Variants in MRTFB observed in about 807,000 individuals in gnomAD.
The protein encoded by MRTFB is myocardin-related transcription factor B.
MRTFB carries 29 observed loss-of-function variants against 104.2 expected under a neutral mutation model. That is an observed-to-expected ratio of 0.28 (90% CI 0.21 to 0.38). The LOEUF (loss-of-function observed/expected upper bound fraction) is 0.38. Ranked by LOEUF, MRTFB falls within the 10% of genes least tolerant of loss-of-function variation. MRTFB has a pLI of 1.00. For synonymous variants in MRTFB, 535 were observed against 519.5 expected (o/e 1.03, Z -0.41); for missense variants, 1,270 against 1,341.6 (o/e 0.95, Z 0.83).
chr16:14,129,698 A>G (rs984672770), intron 2 of MRTFB, among the ~76,000 whole-genome samples: 1 of 152,120 alleles, frequency 6.6e-6, no homozygotes, highest in Non-Finnish European at 1.5e-5. Flanking sequence ...CTTTGCCAAC[A>G]CTTGCTTTTG....
chr16:14,134,805 A>C (rs1324352917), intron 2 of MRTFB, among the ~76,000 whole-genome samples: 1 of 152,112 alleles, frequency 6.6e-6, no homozygotes, highest in East Asian at 1.9e-4. Flanking sequence ...CAGGGCAGGA[A>C]TGTGAGCTCT....
At chr16:14,191,788 G>T (rs1030045930) in intron 3 of MRTFB, 8 of 152,050 alleles carry the variant, frequency 5.3e-5, no homozygotes, top group Non-Finnish European at 1.2e-4. Flanking sequence ...TAAGATTGTT[G>T]TCCATGCACA....
In MRTFB at chr16:14,140,570, G is replaced by T. The variant is rs2037943752; in HGVS notation, c.-37G>T. ...GTCTTCAATAGGCCGTGTTTAAGAG[G>T]CGTCTTACACTCCCTGTTGCCAGTG... On this transcript the variant is annotated 5_prime_UTR_variant, in exon 3 of 17. Transcript: ENST00000571589. 1 of 1,610,322 alleles carries T rather than the reference G, an allele frequency of 6.2e-7. No individual in the cohort carries two copies.
intron 9 of MRTFB, among the ~76,000 whole-genome samples, chr16:14,239,635 A>G (rs547593820): frequency 2.0e-5 from 3 of 152,346 alleles, no homozygotes; most frequent in Non-Finnish European, 4.4e-5. Context: ...TCAGGAAAAC[A>G]TCATCTGATT....
the MRTFB span, among the ~76,000 whole-genome samples, chr16:14,034,025 A>G: frequency 6.6e-6 from 1 of 152,122 alleles, no homozygotes; most frequent in African/African-American, 2.4e-5. Context: ...TCTTGGCATC[A>G]TCAGGTTGTC....
chr16:14,058,657 A>T, the MRTFB span, among the ~76,000 whole-genome samples: 2 of 151,376 alleles, frequency 1.3e-5, no homozygotes, highest in African/African-American at 2.4e-5. Context: ...GTCTTACTGG[A>T]AGGGCTTTTC....
rs80333484 is a variant in MRTFB at position 14,228,569 on chromosome 16, C to G, written c.694-5577C>G. 3.4e-3 allele frequency among the ~76,000 whole-genome samples: 512 copies of G among 148,732 alleles called. 2 individuals are homozygous for G. Among genetic ancestry groups the G allele is most frequent in the African/African-American group, 0.01 (389 of 38,768 alleles). ...CCAGCCTGGGCAACAGAGCTAGACT[C>G]CGTCCCAAAAAAAAAAAAATAGAAA... On this transcript the variant is annotated intron_variant, in intron 8 of 16. Transcript: ENST00000571589.
At chr16:14,234,031 C>T (rs1647685556) in intron 8 of MRTFB, 115 bp from the exon 9 acceptor site, 4 of 1,291,016 alleles carry the variant, frequency 3.1e-6, no homozygotes, top group Admixed American at 4.2e-5. Context: ...ATATATTTTT[C>T]CTTTGCTTCT....
At chr16:14,245,868 C>G (rs1203584152) in intron 11 of MRTFB, among the ~76,000 whole-genome samples, 1 of 152,136 alleles carries the variant, frequency 6.6e-6, no homozygotes, top group African/African-American at 2.4e-5. Context: ...GAGTGTGTAC[C>G]TTGTGCAGGC....
intron 1 of MRTFB, among the ~76,000 whole-genome samples, chr16:14,075,863 T>G (rs1377050720): frequency 1.3e-5 from 2 of 152,252 alleles, no homozygotes; most frequent in Non-Finnish European, 2.9e-5. Context: ...GGTTCTCTTT[T>G]GCTTCTTTTT....
the MRTFB span, among the ~76,000 whole-genome samples, chr16:14,024,700 C>G: frequency 6.6e-6 from 1 of 152,188 alleles, no homozygotes; most frequent in African/African-American, 2.4e-5. Context: ...ACAGCACCTC[C>G]TGAGAGGTGG....
chr16:14,043,179 G>A, the MRTFB span, among the ~76,000 whole-genome samples: 1 of 152,134 alleles, frequency 6.6e-6, no homozygotes, highest in African/African-American at 2.4e-5. Flanking sequence ...CTATGGTGCT[G>A]ATATTTTTGT....
At chr16:14,155,331 A>G (rs757183656) in intron 3 of MRTFB, among the ~76,000 whole-genome samples, 1 of 151,168 alleles carries the variant, frequency 6.6e-6, no homozygotes, top group Non-Finnish European at 1.5e-5. Flanking sequence ...TTTACTGTCC[A>G]TGTTTCTCCA....
chr16:14,240,647 T>A, intron 10 of MRTFB, 163 bp downstream of exon 10: 1 of 1,201,968 alleles, frequency 8.3e-7, no homozygotes, highest in Non-Finnish European at 1.2e-6. Context: ...GTCCACATGG[T>A]GAGAGTGGCC....
Position 14,246,607 on chromosome 16 carries a change from G to A in MRTFB, c.1347G>A (p.Val449=). 6.2e-7 allele frequency: 1 copy of A among 1,614,012 alleles called. No individual in the cohort carries two copies. The highest frequency in any genetic ancestry group is 2.2e-5 in the East Asian group (1 of 44,892). ...TTGCTGCTGGGGGCATCGTGGCAGT[G>A]TCATCATCAGCCATTGTCACCAGTA... is the stretch of plus-strand genomic sequence containing the variant. ...SGLAAGGIVA[V]SSSAIVTSNP... Residue 449 remains valine, a synonymous_variant, in exon 12 of 17, where the codon GTG becomes GTA. Transcript: ENST00000571589.
At chr16:14,025,998 C>A in the MRTFB span, among the ~76,000 whole-genome samples, 5 of 152,096 alleles carry the variant, frequency 3.3e-5, no homozygotes, top group Non-Finnish European at 1.5e-5. Context: ...GGGAGATGCA[C>A]CATGTTCATG....
chr16:14,150,769 C>G (rs1206490745), intron 3 of MRTFB: 1 of 152,136 alleles, frequency 6.6e-6, no homozygotes, highest in Non-Finnish European at 1.5e-5. Context: ...TAAAATGAAT[C>G]ATCTGTCTGA....
intron 8 of MRTFB, among the ~76,000 whole-genome samples, chr16:14,228,640 T>G (rs1017549398): frequency 5.3e-5 from 8 of 151,898 alleles, no homozygotes; most frequent in African/African-American, 1.9e-4. Flanking sequence ...CATAGCAGCA[T>G]TATTCACAAT....
At chr16:14,047,455 C>T in the MRTFB span, among the ~76,000 whole-genome samples, 11 of 152,272 alleles carry the variant, frequency 7.2e-5, no homozygotes, top group South Asian at 1.9e-3. Flanking sequence ...GCGACCTCTG[C>T]CTGGGTGGTC....
Sources: allele counts gnomAD v4.1 joint callset (sites outside exome capture counted in the v4.1 genomes callset), GRCh38; gene constraint gnomAD v4.1.1; transcripts MANE v1.5; gene names NCBI Gene and HGNC (gene_info 2026-07-23, HGNC 2026-07-21).